Variants in LRMDA observed in about 807,000 individuals in gnomAD.
LRMDA encodes leucine-rich melanocyte differentiation-associated protein.
A neutral mutation model predicts 29.8 loss-of-function variants in LRMDA; 18 were observed. That is an observed-to-expected ratio of 0.60 (90% confidence interval 0.42 to 0.90). The LOEUF is 0.90. Among genes scored for constraint, LRMDA ranks in the 40% least tolerant of loss-of-function variants. The probability of loss-of-function intolerance (pLI) is 0.00; values close to 1 mark genes in which losing one functional copy is unlikely to be tolerated. For synonymous variants in LRMDA, 125 were observed against 109.4 expected (o/e 1.14, Z -0.89); for missense variants, 273 against 273.9 (o/e 1.00, Z 0.02).
At chr10:75,921,220 T>G (rs1846020628) in intron 2 of LRMDA, among the ~76,000 whole-genome samples, 1 of 152,188 alleles carries the variant, frequency 6.6e-6, no homozygotes, top group Non-Finnish European at 1.5e-5. Context: ...ATAGGTTTAT[T>G]TGTTGAGGCC....
intron 6 of LRMDA, among the ~76,000 whole-genome samples, chr10:76,507,256 T>TGAA (rs1842968492): frequency 6.6e-6 from 1 of 152,038 alleles, no homozygotes; most frequent in African/African-American, 2.4e-5. Context: ...TTTTGAGAAA[T>TGAA]GTCTATTCAG....
intron 5 of LRMDA, among the ~76,000 whole-genome samples, chr10:76,310,900 T>C (rs1197011278): frequency 3.9e-5 from 6 of 152,214 alleles, no homozygotes; most frequent in Non-Finnish European, 7.3e-5. Flanking sequence ...TTTTAGGTCT[T>C]TCATGAGAAA....
intron 2 of LRMDA, among the ~76,000 whole-genome samples, chr10:75,919,870 C>T (rs1035267454): frequency 2.6e-5 from 4 of 152,152 alleles, no homozygotes; most frequent in African/African-American, 9.7e-5. Context: ...TCTGATGCTT[C>T]TCTGACACGT....
At chr10:75,506,681 A>T (rs1363451691) in intron 2 of LRMDA, among the ~76,000 whole-genome samples, 1 of 152,194 alleles carries the variant, frequency 6.6e-6, no homozygotes, top group Non-Finnish European at 1.5e-5. Flanking sequence ...TCCCCTGTAG[A>T]GTTCAGCGCC....
intron 2 of LRMDA, among the ~76,000 whole-genome samples, chr10:75,815,569 A>T (rs954961232): frequency 4.6e-5 from 7 of 152,224 alleles, no homozygotes; most frequent in Non-Finnish European, 1.0e-4. Flanking sequence ...CCCTTCTGTT[A>T]TGGTAAACCC....
intron 5 of LRMDA, among the ~76,000 whole-genome samples, chr10:76,116,837 G>T (rs1318382166): frequency 6.6e-6 from 1 of 152,084 alleles, no homozygotes; most frequent in Non-Finnish European, 1.5e-5. Flanking sequence ...CACCTTTGAT[G>T]CCCTATGTGT....
At chr10:75,658,466 T>TA (rs942148313) in intron 2 of LRMDA, among the ~76,000 whole-genome samples, 1 of 152,178 alleles carries the variant, frequency 6.6e-6, no homozygotes, top group African/African-American at 2.4e-5. Flanking sequence ...TCTTTTTTTT[T>TA]ATGTGAATCT....
At chr10:76,440,111 C>A (rs1842286256) in intron 6 of LRMDA, among the ~76,000 whole-genome samples, 2 of 152,034 alleles carry the variant, frequency 1.3e-5, no homozygotes, top group South Asian at 2.1e-4. Context: ...GATACAAGAG[C>A]GATTAAGAAT....
rs115141614 is a variant in LRMDA, at chr10:75,492,157, G to A, written c.131+53663G>A. On this transcript the variant is annotated intron_variant, in intron 2 of 6. Coordinates refer to ENST00000611255, the MANE Select transcript of LRMDA (RefSeq NM_001305581.2). ...GAGCCTACGAGTAATTTCTGCCTTGGCATGTGACCATGGTGCCTTGGCTTT... is the reference window on the plus strand; with the variant it reads ...GAGCCTACGAGTAATTTCTGCCTTGACATGTGACCATGGTGCCTTGGCTTT... 1.5e-3 allele frequency among the ~76,000 whole-genome samples: 227 copies of A among 152,322 alleles called. 1 individual carries two copies. The highest frequency in any genetic ancestry group is 4.9e-3 in the African/African-American group (204 of 41,574).
intron 6 of LRMDA, among the ~76,000 whole-genome samples, chr10:76,530,768 T>C (rs1266720083): frequency 2.0e-5 from 3 of 152,150 alleles, no homozygotes; most frequent in Non-Finnish European, 4.4e-5. Flanking sequence ...AAACACAAAA[T>C]GTTTTTCATT....
intron 6 of LRMDA, among the ~76,000 whole-genome samples, chr10:76,336,277 T>G (rs2132413449): frequency 6.6e-6 from 1 of 152,276 alleles, no homozygotes; most frequent in South Asian, 2.1e-4. Flanking sequence ...GAAATCAGGG[T>G]TTCACCTTGA....
At chr10:76,397,580 C>T (rs1451990042) in intron 6 of LRMDA, among the ~76,000 whole-genome samples, 1 of 152,186 alleles carries the variant, frequency 6.6e-6, no homozygotes, top group Admixed American at 6.5e-5. Flanking sequence ...GATTCCCTCT[C>T]GGCACCAGGT....
At chr10:76,549,832 TG>T (rs1843472584) in intron 6 of LRMDA, among the ~76,000 whole-genome samples, 1 of 152,042 alleles carries the variant, frequency 6.6e-6, no homozygotes, top group Admixed American at 6.5e-5. Context: ...CACAAATACA[TG>T]GGGAGGAATT....
At chr10:76,291,339 A>T (rs546559038) in intron 5 of LRMDA, among the ~76,000 whole-genome samples, 3 of 152,238 alleles carry the variant, frequency 2.0e-5, no homozygotes, top group Non-Finnish European at 4.4e-5. Context: ...TTTCATACAC[A>T]TGATGTCATA....
intron 2 of LRMDA, among the ~76,000 whole-genome samples, chr10:75,714,265 T>G (rs551822799): frequency 1.3e-5 from 2 of 152,330 alleles, no homozygotes; most frequent in African/African-American, 4.8e-5. Context: ...AGATTATCTA[T>G]CACTCTGACA....
chr10:75,941,920 A>C (rs1256936720), intron 2 of LRMDA, among the ~76,000 whole-genome samples: 2 of 152,136 alleles, frequency 1.3e-5, no homozygotes, highest in Non-Finnish European at 2.9e-5. Context: ...TACTCTCTCC[A>C]TGTCACATTT....
chr10:76,495,155 A>G (rs1327340379), intron 6 of LRMDA, among the ~76,000 whole-genome samples: 2 of 151,844 alleles, frequency 1.3e-5, no homozygotes, highest in African/African-American at 2.4e-5. Context: ...TGCATAATCT[A>G]TTGTGCTAAA....
intron 2 of LRMDA, among the ~76,000 whole-genome samples, chr10:76,016,821 C>T (rs1397158141): frequency 1.3e-5 from 2 of 152,168 alleles, no homozygotes; most frequent in African/African-American, 2.4e-5. Flanking sequence ...ATTTGACCGC[C>T]GCATCAGTGC....
chr10:75,855,339 T>G (rs1304060452), intron 2 of LRMDA, among the ~76,000 whole-genome samples: 1 of 152,362 alleles, frequency 6.6e-6, no homozygotes, highest in African/African-American at 2.4e-5. Context: ...CATTTTTTCA[T>G]GTGTCTGTTG....
Sources: gnomAD v4.1 joint callset for allele counts (sites outside exome capture counted in the v4.1 genomes callset) on GRCh38, gnomAD v4.1.1 for gene constraint, MANE v1.5 for transcripts, NCBI Gene and HGNC (gene_info 2026-07-23, HGNC 2026-07-21) for gene names.